The following PCDHGA5 variants were observed in gnomAD, a reference collection of about 807,000 sequenced individuals.
PCDHGA5 encodes the protein protocadherin gamma subfamily A, 5, also known as protocadherin gamma-A5.
PCDHGA5 carries 36 observed loss-of-function variants against 56.7 expected under a neutral mutation model. That is an observed-to-expected ratio of 0.64 (90% confidence interval 0.49 to 0.84). The LOEUF is 0.84. PCDHGA5 is among the 40% of genes least tolerant of loss of function. The pLI is 0.00. For missense variants in PCDHGA5, 1,305 were observed against 1,201.5 expected, an observed-to-expected ratio of 1.09 and a Z score of -1.27; for synonymous variants, 563 against 520.2, an observed-to-expected ratio of 1.08 and a Z score of -1.12.
At position 141,477,577 on chromosome 5, in the gene PCDHGA5, G is replaced by T; in HGVS notation, c.2422-17230G>T. Reference sequence around the variant, plus strand: ...TAAGTGTCTGGGACCCCGACGCCCCGCAGAATGCTCGGCTTTCTTTCTTTC... The same window carrying T: ...TAAGTGTCTGGGACCCCGACGCCCCTCAGAATGCTCGGCTTTCTTTCTTTC... On this transcript the variant is annotated intron_variant, in intron 1 of 3. Transcript: ENST00000518069. The surrounding 1 kb of genome is among the most constrained non-coding windows in gnomAD (Gnocchi z 4.9). 1.2e-6 allele frequency: 2 copies of T among 1,614,124 alleles called. No homozygotes were observed. Among genetic ancestry groups the T allele is most frequent in the Non-Finnish European group, 1.7e-6 (2 of 1,180,020 alleles).
chr5:141,436,040 C>A (rs989038133), intron 1 of PCDHGA5, among the ~76,000 whole-genome samples: 2 of 152,060 alleles, frequency 1.3e-5, no homozygotes, highest in African/African-American at 4.8e-5. Context: ...TTTGTATTTA[C>A]ATTAGTTTTC....
intron 1 of PCDHGA5, among the ~76,000 whole-genome samples, chr5:141,444,192 A>ATT: frequency 1.9e-5 from 1 of 52,730 alleles, no homozygotes; most frequent in African/African-American, 7.7e-5. Flanking sequence ...TTTTTTTGAG[A>ATT]TGGAGTTTCA....
chr5:141,420,061 G>C, intron 1 of PCDHGA5: 1 of 1,614,076 alleles, frequency 6.2e-7, no homozygotes. Flanking sequence ...TCTGCTCCAA[G>C]TCCGGACCTG....
chr5:141,418,313 A>G (rs750036471), intron 1 of PCDHGA5: 2 of 1,614,038 alleles, frequency 1.2e-6, no homozygotes, highest in Middle Eastern at 1.6e-4. Context: ...GGGGATGGGA[A>G]CAATTCTTGA....
chr5:141,487,237 T>G lies in PCDHGA5; in HGVS notation c.2422-7570T>G, dbSNP rs1327004790. ...CAGCTCCAAGGGAAGGAGAATCTCGTCTAACCCTCTACTTGGCTGTGTCCC... is the reference window on the plus strand; with the variant it reads ...CAGCTCCAAGGGAAGGAGAATCTCGGCTAACCCTCTACTTGGCTGTGTCCC... On this transcript the variant is annotated intron_variant, in intron 1 of 3. Transcript: ENST00000518069. This position sits in a 1 kb window ranked among gnomAD's most constrained non-coding sequence, Gnocchi z 5.0. 1.2e-6 allele frequency: 2 copies of G among 1,614,004 alleles called. No individual in the cohort carries two copies. The highest frequency in any genetic ancestry group is 1.7e-6 in the Non-Finnish European group (2 of 1,179,988).
chr5:141,465,429 A>G (rs1191638112), intron 1 of PCDHGA5, among the ~76,000 whole-genome samples: 2 of 152,316 alleles, frequency 1.3e-5, no homozygotes, highest in East Asian at 3.9e-4. Context: ...AAAGGTGGGC[A>G]CTTAATGATT....
At position 141,388,118 on chromosome 5, in the gene PCDHGA5, C is replaced by A. The variant is rs771996326; in HGVS notation, c.2421+21367C>A. The A allele has an allele frequency of 1.1e-5, 15 of 1,412,700 alleles. No homozygotes were observed. In the Admixed American group the frequency reaches 3.0e-4, roughly 28 times the overall value. The allele number at this position is 1,412,700 out of a possible 1,614,324, so 87.5% of individuals were successfully genotyped here. A position where few individuals can be genotyped will look rare whatever the true frequency, so the allele number is the denominator to read the frequency against. On this transcript the variant is annotated intron_variant, in intron 1 of 3. Coordinates refer to ENST00000518069, the MANE Select transcript of PCDHGA5 (RefSeq NM_018918.3). ...CGGAGAAGCCTTACTTCACCGTGAG[C>A]GCAGAGAGCGGGGAGTTGCTTGTGA...
At chr5:141,496,583 C>A (rs990137003) in intron 2 of PCDHGA5, among the ~76,000 whole-genome samples, 1 of 152,168 alleles carries the variant, frequency 6.6e-6, no homozygotes, top group African/African-American at 2.4e-5. Flanking sequence ...TTTAGGAACG[C>A]AAAGCGCTTC....
chr5:141,464,853 C>A (rs1441161135), intron 1 of PCDHGA5, among the ~76,000 whole-genome samples: 1 of 151,778 alleles, frequency 6.6e-6, no homozygotes, highest in East Asian at 1.9e-4. Flanking sequence ...ATCCTCCTAC[C>A]TTAGCCTCCC....
In PCDHGA5 at chr5:141,476,584, C is replaced by G. The variant is rs140544807; in HGVS notation, c.2422-18223C>G. ...TGGCTCCGGGGACGCGCTTTCCGCTCGAGAGCGCGCACGATCCCGATGTGG... is the reference window on the plus strand; with the variant it reads ...TGGCTCCGGGGACGCGCTTTCCGCTGGAGAGCGCGCACGATCCCGATGTGG... On this transcript the variant is annotated intron_variant, in intron 1 of 3. Coordinates refer to ENST00000518069, the MANE Select transcript of PCDHGA5 (RefSeq NM_018918.3). This position sits in a 1 kb window ranked among gnomAD's most constrained non-coding sequence, Gnocchi z 7.6. 1.2e-5 allele frequency: 19 copies of G among 1,614,100 alleles called. No homozygotes were observed. The African/African-American group carries it at 2.3e-4, about 19-fold the overall frequency.
At chr5:141,460,951 G>GTATATATATA (rs200454978) in intron 1 of PCDHGA5, among the ~76,000 whole-genome samples, 1 of 139,722 alleles carries the variant, frequency 7.2e-6, no homozygotes, top group African/African-American at 2.8e-5. Context: ...TATGTATTAT[G>GTATATATATA]TATATATATA....
At position 141,485,275 on chromosome 5, in the gene PCDHGA5, G is replaced by A. The variant is rs77402299; in HGVS notation, c.2422-9532G>A. The A allele has an allele frequency of 8.7e-6, 14 of 1,613,954 alleles. No homozygotes were observed. In the African/African-American group the frequency reaches 1.1e-4, roughly 12 times the overall value. ...ACGTTTGTGGGCAGATCCGCTACCC[G>A]GTCCCAGAGGAGTCACAGGAAGGGA... On this transcript the variant is annotated intron_variant, in intron 1 of 3. Transcript: ENST00000518069. The surrounding 1 kb of genome is among the most constrained non-coding windows in gnomAD (Gnocchi z 5.7).
intron 1 of PCDHGA5, chr5:141,421,308 C>T: frequency 6.2e-7 from 1 of 1,613,678 alleles, no homozygotes; most frequent in Non-Finnish European, 8.5e-7. Flanking sequence ...TGCGGGGGTT[C>T]CGGGCCAGGC....
chr5:141,413,994 G>A, intron 1 of PCDHGA5: 1 of 1,613,422 alleles, frequency 6.2e-7, no homozygotes, highest in Non-Finnish European at 8.5e-7. Context: ...CCACCGACAG[G>A]GACGAAGGTG....
intron 1 of PCDHGA5, chr5:141,389,373 C>T (rs1561624770): frequency 3.1e-6 from 5 of 1,613,756 alleles, no homozygotes; most frequent in Non-Finnish European, 4.2e-6. Flanking sequence ...CCTGGAGCAG[C>T]GGGAGCTGTC....
Position 141,490,479 on chromosome 5 carries a change from C to A in PCDHGA5, c.2422-4328C>A. 6.2e-7 allele frequency: 1 copy of A among 1,614,216 alleles called. No homozygotes were observed. Among genetic ancestry groups the A allele is most frequent in the South Asian group, 1.1e-5 (1 of 91,086 alleles). On this transcript the variant is annotated intron_variant, in intron 1 of 3. Transcript: ENST00000518069. The surrounding 1 kb of genome is among the most constrained non-coding windows in gnomAD (Gnocchi z 5.4). ...CGCTGCTAACCAGCCAGCCTTTGGA[C>A]CGGGAGGCCACATCCCACTATATCA...
intron 1 of PCDHGA5, chr5:141,427,535 C>T (rs746067304): frequency 8.0e-6 from 5 of 626,498 alleles, no homozygotes; most frequent in South Asian, 7.6e-5. Flanking sequence ...CGGAGTACAA[C>T]GTCACCATCA....
At chr5:141,438,487 G>T (rs1030201971) in intron 1 of PCDHGA5, among the ~76,000 whole-genome samples, 9 of 150,284 alleles carry the variant, frequency 6.0e-5, no homozygotes, top group African/African-American at 2.2e-4. Flanking sequence ...GTCTCTTGGA[G>T]AAAAAAGAAT....
At chr5:141,416,400 C>CT (rs1028319330) in intron 1 of PCDHGA5, 1 of 152,036 alleles carries the variant, frequency 6.6e-6, no homozygotes, top group African/African-American at 2.4e-5. Flanking sequence ...CTGCTTTTGT[C>CT]TTTTTTGTTA....
Sources: allele counts gnomAD v4.1 joint callset (sites outside exome capture counted in the v4.1 genomes callset), GRCh38; gene constraint gnomAD v4.1.1; non-coding constraint Gnocchi (gnomAD v3.1); transcripts MANE v1.5; gene names NCBI Gene and HGNC (gene_info 2026-07-23, HGNC 2026-07-21).